The following NAV3 variants were observed in gnomAD, a reference collection of about 807,000 sequenced individuals.
The protein encoded by NAV3 is neuron navigator 3, also known as pore membrane and/or filament interacting like protein 1.
A neutral mutation model predicts 244.7 loss-of-function variants in NAV3; 87 were observed. The ratio of observed to expected loss-of-function variants is 0.36; its 90% CI spans 0.30 to 0.42. NAV3 has a LOEUF of 0.42. Among genes scored for constraint, NAV3 ranks in the 20% least tolerant of loss-of-function variants. NAV3 has a pLI of 1.00. For synonymous variants in NAV3, 1,126 were observed against 1,042.2 expected, an observed-to-expected ratio of 1.08 and a Z score of -1.55; for missense variants, 2,663 against 2,893.3, an observed-to-expected ratio of 0.92 and a Z score of 1.83.
intron 12 of NAV3, among the ~76,000 whole-genome samples, chr12:78,098,356 T>TA (rs1954365489): frequency 6.6e-6 from 1 of 151,988 alleles, no homozygotes; most frequent in African/African-American, 2.4e-5. Flanking sequence ...CTGTAGTATT[T>TA]AAAACATCAT....
chr12:77,696,865 G>A (rs142541135), intron 2 of NAV3, among the ~76,000 whole-genome samples: 79 of 152,238 alleles, frequency 5.2e-4, no homozygotes, highest in African/African-American at 1.8e-3. Flanking sequence ...TGGTTAAAGA[G>A]TTTGACTCAT....
chr12:78,184,183 C>G (rs1958615429), intron 30 of NAV3, among the ~76,000 whole-genome samples: 1 of 151,848 alleles, frequency 6.6e-6, no homozygotes, highest in Non-Finnish European at 1.5e-5. Context: ...TCTTTCTCAT[C>G]TTGGTATTCA....
intron 1 of NAV3, among the ~76,000 whole-genome samples, chr12:77,888,169 T>A (rs1176193915): frequency 6.6e-6 from 1 of 152,052 alleles, no homozygotes; most frequent in Non-Finnish European, 1.5e-5. Flanking sequence ...AAACCCATAC[T>A]CTAACTAAAG....
chr12:77,762,502 CTG>C (rs758695176), intron 2 of NAV3, among the ~76,000 whole-genome samples: 3 of 151,980 alleles, frequency 2.0e-5, no homozygotes, highest in African/African-American at 4.8e-5. Context: ...ACTCAGGAGG[CTG>C]TGGCAGGGGA....
At chr12:77,710,200 GGTTCT>G (rs1876040858) in intron 2 of NAV3, among the ~76,000 whole-genome samples, 1 of 152,100 alleles carries the variant, frequency 6.6e-6, no homozygotes, top group African/African-American at 2.4e-5. Context: ...ATCATTAAAA[GGTTCT>G]GCTCTTTCCA....
chr12:77,619,527 T>C (rs1871278340), intron 2 of NAV3, among the ~76,000 whole-genome samples: 1 of 152,200 alleles, frequency 6.6e-6, no homozygotes, highest in African/African-American at 2.4e-5. Flanking sequence ...TTTCTTGTCT[T>C]TGAGCTTTGA....
chr12:77,997,644 T>C (rs1013945311), intron 6 of NAV3, among the ~76,000 whole-genome samples: 1 of 152,232 alleles, frequency 6.6e-6, no homozygotes, highest in African/African-American at 2.4e-5. Flanking sequence ...TCTGCATCCT[T>C]TCTTGTCACG....
At chr12:78,191,361 G>A (rs1439727970) in intron 34 of NAV3, among the ~76,000 whole-genome samples, 1 of 152,066 alleles carries the variant, frequency 6.6e-6, no homozygotes, top group African/African-American at 2.4e-5. Context: ...AGAGTTGCTT[G>A]CAATTTTTAA....
In NAV3 at chr12:77,958,257, G is replaced by A. The variant is rs139962226; in HGVS notation, c.415-7972G>A. On this transcript the variant is annotated intron_variant, in intron 3 of 39. Coordinates refer to ENST00000397909, the MANE Select transcript of NAV3 (RefSeq NM_001024383.2). Reference sequence around the variant, plus strand: ...AATTTCTGTTCCATTTTTCATGTGAGTAGTTGAAATAATTCAGTGCTCTTT... The same window carrying A: ...AATTTCTGTTCCATTTTTCATGTGAATAGTTGAAATAATTCAGTGCTCTTT... 5.3e-5 allele frequency among the ~76,000 whole-genome samples: 8 copies of A among 152,312 alleles called. No homozygotes were observed. The East Asian group carries it at 1.5e-3, about 29-fold the overall frequency.
intron 3 of NAV3, among the ~76,000 whole-genome samples, chr12:77,951,262 T>C (rs981387249): frequency 6.6e-6 from 1 of 152,158 alleles, no homozygotes; most frequent in African/African-American, 2.4e-5. Flanking sequence ...GGGCGAAGGA[T>C]ATGAACAGAC....
intron 23 of NAV3, among the ~76,000 whole-genome samples, chr12:78,165,489 G>T (rs1957743007): frequency 6.6e-6 from 1 of 151,800 alleles, no homozygotes; most frequent in African/African-American, 2.4e-5. Flanking sequence ...TCAACATAAA[G>T]AAATTGTATG....
intron 2 of NAV3, among the ~76,000 whole-genome samples, chr12:77,643,962 C>T (rs758067492): frequency 2.6e-5 from 4 of 152,040 alleles, no homozygotes; most frequent in Non-Finnish European, 5.9e-5. Context: ...TTTGAGCTTA[C>T]TTATTACTTT....
At chr12:77,613,529 C>T (rs1871015829) in intron 2 of NAV3, among the ~76,000 whole-genome samples, 1 of 152,058 alleles carries the variant, frequency 6.6e-6, no homozygotes. Flanking sequence ...TTCTTGTTTC[C>T]TATTATTCTT....
intron 2 of NAV3, among the ~76,000 whole-genome samples, chr12:77,780,467 A>C (rs1029267627): frequency 3.3e-5 from 5 of 152,198 alleles, no homozygotes; most frequent in Non-Finnish European, 7.3e-5. Context: ...GACTTATTGC[A>C]ATAAAGGTCA....
intron 1 of NAV3, among the ~76,000 whole-genome samples, chr12:77,875,491 CT>C (rs1330245953): frequency 2.0e-5 from 3 of 151,958 alleles, no homozygotes; most frequent in Non-Finnish European, 4.4e-5. Context: ...AGAACAAGGA[CT>C]TTGTTTCATT....
intron 12 of NAV3, among the ~76,000 whole-genome samples, chr12:78,089,854 T>G (rs563921472): frequency 4.0e-4 from 61 of 152,260 alleles, no homozygotes; most frequent in African/African-American, 1.4e-3. Flanking sequence ...TCCATTCCTC[T>G]TTAACTTAAA....
At chr12:78,034,533 A>T (rs1879525953) in intron 9 of NAV3, among the ~76,000 whole-genome samples, 1 of 152,252 alleles carries the variant, frequency 6.6e-6, no homozygotes, top group Non-Finnish European at 1.5e-5. Flanking sequence ...ATGTATAAGC[A>T]GTCTTGAATA....
At chr12:77,859,277 T>C (rs1197426395) in intron 1 of NAV3, among the ~76,000 whole-genome samples, 1 of 152,074 alleles carries the variant, frequency 6.6e-6, no homozygotes, top group African/African-American at 2.4e-5. Flanking sequence ...TTCAGTTAAT[T>C]CCTAAGTTGC....
intron 7 of NAV3, among the ~76,000 whole-genome samples, chr12:78,001,942 A>G (rs2136487368): frequency 6.6e-6 from 1 of 152,358 alleles, no homozygotes; most frequent in Admixed American, 6.5e-5. Flanking sequence ...CTCTGACACC[A>G]GCATTTGTCA....
Sources: gnomAD v4.1 joint callset for allele counts (sites outside exome capture counted in the v4.1 genomes callset) on GRCh38, gnomAD v4.1.1 for gene constraint, MANE v1.5 for transcripts, NCBI Gene and HGNC (gene_info 2026-07-23, HGNC 2026-07-21) for gene names.